Variants in MMP25 observed in about 807,000 individuals in gnomAD.
MMP25 encodes matrix metallopeptidase 25.
In MMP25, 68 loss-of-function variants were observed where a neutral mutation model predicts 62.1. The ratio of observed to expected loss-of-function variants is 1.10; its 90% CI spans 0.90 to 1.34. The LOEUF (loss-of-function observed/expected upper bound fraction) is 1.34. MMP25 is among the 40% of genes most tolerant of loss of function. The pLI is 0.00. For missense variants in MMP25, 942 were observed against 792.5 expected (o/e 1.19, Z -2.26); for synonymous variants, 407 against 345.6 (o/e 1.18, Z -1.97).
In MMP25 at chr16:3,046,774, TC is replaced by T. The variant is rs1955825815; in HGVS notation, c.-141del. 2 of 473,668 alleles carry T rather than the reference TC, an allele frequency of 4.2e-6. No individual in the cohort carries two copies. Among genetic ancestry groups the T allele is most frequent in the Admixed American group, 8.9e-5 (2 of 22,406 alleles). 29.3% of individuals were successfully genotyped at this position (473,668 alleles called of 1,614,324 possible). A position where few individuals can be genotyped will look rare whatever the true frequency, so the allele number is the denominator to read the frequency against. ...GCACTTCCCGGGACCCCCACACACATCCCAGCCCTCCGGCCGATCCCTCCCT... is the reference window on the plus strand; with the variant it reads ...GCACTTCCCGGGACCCCCACACACATCCAGCCCTCCGGCCGATCCCTCCCT... On this transcript the variant is annotated 5_prime_UTR_variant, in exon 1 of 10. Transcript: ENST00000336577.
At chr16:3,055,535 T>G (rs1450559544) in intron 4 of MMP25, among the ~76,000 whole-genome samples, 1 of 152,086 alleles carries the variant, frequency 6.6e-6, no homozygotes, top group Non-Finnish European at 1.5e-5. Context: ...TACCTTGAAG[T>G]CTCTGTGCCT....
chr16:3,058,445 T>G lies in MMP25; in HGVS notation c.1193T>G (p.Leu398Arg), dbSNP rs1416984374. 10 of 1,590,408 alleles carry G rather than the reference T, an allele frequency of 6.3e-6. No homozygotes were observed. The highest frequency in any genetic ancestry group is 8.6e-6 in the Non-Finnish European group (10 of 1,169,494). The change falls in exon 9 of 10, where the codon CTG (leucine) becomes CGG (arginine). Residue 398 changes from leucine (L) to arginine (R), a missense_variant. By Grantham distance (102) the Leu-to-Arg change is moderately radical (BLOSUM62 -2). Transcript: ENST00000336577. ...TTCTGGGTGTTCCAGGACCGGCAGC[T>G]GGAGGGCGGGGCGCGGCCGCTCACG... ...PQFWVFQDRQ[L>R]EGGARPLTEL...
rs538501940 is a variant in MMP25 at position 3,050,402 on chromosome 16, G to A, written c.517G>A (p.Asp173Asn). ...PQGQEPDILI[D>N]FARAFHQDSY... Reference sequence around the variant, plus strand: ...GGGCCAGGAGCCCGACATCCTCATCGACTTTGCCCGCGCCTTCCACCAGGA... The same window carrying A: ...GGGCCAGGAGCCCGACATCCTCATCAACTTTGCCCGCGCCTTCCACCAGGA... Residue 173 changes from aspartate (D) to asparagine (N), a missense_variant, in exon 4 of 10, where the codon GAC becomes AAC. Transcript: ENST00000336577. The A allele has an allele frequency of 1.9e-6, 3 of 1,614,002 alleles. No individual in the cohort carries two copies. The highest frequency in any genetic ancestry group is 2.2e-5 in the East Asian group (1 of 44,874).
At chr16:3,057,466 G>A in intron 6 of MMP25, 65 bp from the exon 7 acceptor site, 13 of 1,597,074 alleles carry the variant, frequency 8.1e-6, no homozygotes, top group Non-Finnish European at 1.1e-5. Context: ...AGATGGGGAT[G>A]GTGGGGGTCC....
chr16:3,056,939 G>A, intron 4 of MMP25, 94 bp from the exon 5 acceptor site: 1 of 1,382,486 alleles, frequency 7.2e-7, no homozygotes, highest in African/African-American at 1.4e-5. Context: ...GTGTCCTGCT[G>A]TTCCTGTTGG....
At chr16:3,058,738 A>T (rs1371738265) in intron 9 of MMP25, 69 bp downstream of exon 9, 2 of 1,449,334 alleles carry the variant, frequency 1.4e-6, no homozygotes, top group Non-Finnish European at 1.8e-6. Flanking sequence ...GAATGGGGAC[A>T]TGGAGGCCAC....
At chr16:3,047,099 A>G (rs767204297) in intron 1 of MMP25, 83 bp downstream of exon 1, 10 of 1,325,060 alleles carry the variant, frequency 7.5e-6, no homozygotes, top group Non-Finnish European at 8.8e-6. Context: ...GGTCCGGAGG[A>G]GGCAGGGGCC....
intron 4 of MMP25, 63 bp downstream of exon 4, chr16:3,050,609 G>C (rs1329938286): frequency 6.9e-7 from 1 of 1,453,044 alleles, no homozygotes; most frequent in African/African-American, 1.4e-5. Flanking sequence ...TAAGTTTTCT[G>C]TTGTGTGTTT....
chr16:3,049,967 C>T (rs1316199990), intron 2 of MMP25, 42 bp from the exon 3 acceptor site: 4 of 1,603,028 alleles, frequency 2.5e-6, no homozygotes, highest in Non-Finnish European at 3.4e-6. Context: ...GGCAGGCTCT[C>T]CTATTGTGGA....
chr16:3,050,379 G>A lies in MMP25; in HGVS notation c.494G>A (p.Gly165Asp), dbSNP rs746188090. ...TTTCATGAGGTGGATTCCCCCCAGGGCCAGGAGCCCGACATCCTCATCGAC... is the reference window on the plus strand; with the variant it reads ...TTTCATGAGGTGGATTCCCCCCAGGACCAGGAGCCCGACATCCTCATCGAC... ...LTFHEVDSPQ[G>D]QEPDILIDFA... Residue 165 changes from glycine to aspartate, a missense_variant, in exon 4 of 10, where the codon GGC (glycine) becomes GAC (aspartate). By Grantham distance (94) the Gly-to-Asp change is moderately conservative (BLOSUM62 -1). Transcript: ENST00000336577. 2 of 1,614,014 alleles carry A rather than the reference G, an allele frequency of 1.2e-6. No individual in the cohort carries two copies. Among genetic ancestry groups the A allele is most frequent in the Non-Finnish European group, 1.7e-6 (2 of 1,180,016 alleles).
chr16:3,050,358 A>T lies in MMP25; in HGVS notation c.473A>T (p.His158Leu). 2 of 1,613,976 alleles carry T rather than the reference A, an allele frequency of 1.2e-6. No homozygotes were observed. Among genetic ancestry groups the T allele is most frequent in the Non-Finnish European group, 1.7e-6 (2 of 1,179,994 alleles). The change falls in exon 4 of 10, where the codon CAT (histidine) becomes CTT (leucine). Residue 158 changes from histidine (H) to leucine (L), a missense_variant. His to Leu is a moderately conservative substitution (Grantham distance 99). Coordinates refer to ENST00000336577, the MANE Select transcript of MMP25 (RefSeq NM_022468.5). ...AWGMESGLTF[H>L]EVDSPQGQEP... ...GGCATGGAGTCAGGCCTCACATTTCATGAGGTGGATTCCCCCCAGGGCCAG... is the reference window on the plus strand; with the variant it reads ...GGCATGGAGTCAGGCCTCACATTTCTTGAGGTGGATTCCCCCCAGGGCCAG...
Position 3,059,093 on chromosome 16 carries a change from C to T in MMP25, c.1684C>T (p.Arg562Cys), listed in dbSNP as rs1189517297. The change falls in exon 10 of 10, where the codon CGC (arginine) becomes TGC (cysteine). Residue 562 changes from arginine (R) to cysteine (C), a missense_variant. Arg to Cys is a radical substitution (Grantham distance 180). Coordinates refer to ENST00000336577, the MANE Select transcript of MMP25 (RefSeq NM_022468.5). ...LPLLVGGVAS[R>C] ...CCTGCTGGTGGGGGGTGTAGCCTCCCGCTGATGGGGGGAGCCATCCAGACC... is the reference window on the plus strand; with the variant it reads ...CCTGCTGGTGGGGGGTGTAGCCTCCTGCTGATGGGGGGAGCCATCCAGACC... 2.6e-6 allele frequency: 4 copies of T among 1,541,134 alleles called. No individual in the cohort carries two copies. Among genetic ancestry groups the T allele is most frequent in the Non-Finnish European group, 3.5e-6 (4 of 1,140,898 alleles).
rs182726353 is a variant in MMP25, at chr16:3,047,505, G to A, written c.190G>A (p.Val64Ile). The change falls in exon 2 of 10, where the codon GTC (valine) becomes ATC (isoleucine). Residue 64 changes from valine (V) to isoleucine (I), a missense_variant. By Grantham distance (29) the Val-to-Ile change is conservative. Coordinates refer to ENST00000336577, the MANE Select transcript of MMP25 (RefSeq NM_022468.5). ...SPEKLRDAIK[V>I]MQRFAGLPET... ...TGAGAAGTTGCGCGATGCCATCAAA[G>A]TCATGCAGAGGTTCGCGGGGCTGCC... 18 of 1,613,886 alleles carry A rather than the reference G, an allele frequency of 1.1e-5. No individual in the cohort carries two copies. In the East Asian group the frequency reaches 3.1e-4, roughly 28 times the overall value.
Position 3,059,097 on chromosome 16 carries a change from G to A in MMP25, c.1688G>A (p.Ter563=), listed in dbSNP as rs1469887633. ...PLLVGGVASR[*] ...CTGGTGGGGGGTGTAGCCTCCCGCTGATGGGGGGAGCCATCCAGACCGAAC... is the reference window on the plus strand; with the variant it reads ...CTGGTGGGGGGTGTAGCCTCCCGCTAATGGGGGGAGCCATCCAGACCGAAC... Residue 563 remains the stop codon, a stop_retained_variant, in exon 10 of 10, where the codon TGA becomes TAA. Coordinates refer to ENST00000336577, the MANE Select transcript of MMP25 (RefSeq NM_022468.5). 3 of 1,539,280 alleles carry A rather than the reference G, an allele frequency of 1.9e-6. No homozygotes were observed. Among genetic ancestry groups the A allele is most frequent in the African/African-American group, 1.4e-5 (1 of 72,878 alleles).
At position 3,059,122 on chromosome 16, in the gene MMP25, C is replaced by T. The variant is rs193188076; in HGVS notation, c.*24C>T. On this transcript the variant is annotated 3_prime_UTR_variant, in exon 10 of 10. Coordinates refer to ENST00000336577, the MANE Select transcript of MMP25 (RefSeq NM_022468.5). ...GATGGGGGGAGCCATCCAGACCGAA[C>T]AGCGCCCTCCACGGCCGAGTCCCCC... 2 of 1,506,864 alleles carry T rather than the reference C, an allele frequency of 1.3e-6. No homozygotes were observed. Among genetic ancestry groups the T allele is most frequent in the East Asian group, 5.0e-5 (2 of 40,362 alleles). The allele number at this position is 1,506,864 out of a possible 1,614,324, so 93.3% of individuals were successfully genotyped here.
At position 3,057,073 on chromosome 16, in the gene MMP25, G is replaced by C; in HGVS notation, c.702G>C (p.Glu234Asp). ...ACCTGTTTGCCGTGGCTGTCCATGA[G>C]TTTGGCCACGCCCTGGGCCTGGGCC... Reference protein sequence around the residue: ...GTDLFAVAVHEFGHALGLGHS... With the variant: ...GTDLFAVAVHDFGHALGLGHS... Residue 234 changes from glutamate (E) to aspartate (D), a missense_variant, in exon 5 of 10, where the codon GAG (glutamate) becomes GAC (aspartate). Physicochemically the swap from Glu to Asp is conservative, Grantham distance 45. Coordinates refer to ENST00000336577, the MANE Select transcript of MMP25 (RefSeq NM_022468.5). The C allele has an allele frequency of 6.2e-7, 1 of 1,605,614 alleles. No individual in the cohort carries two copies. Among genetic ancestry groups the C allele is most frequent in the Non-Finnish European group, 8.5e-7 (1 of 1,175,706 alleles).
Position 3,050,000 on chromosome 16 carries a change from C to T in MMP25, c.233-9C>T. On this transcript the variant is annotated splice_polypyrimidine_tract_variant and intron_variant, in intron 2 of 9. Coordinates refer to ENST00000336577, the MANE Select transcript of MMP25 (RefSeq NM_022468.5). ...GGACACACCCCCCACCGCCAAATGT[C>T]TCCCGCAGACCCAGGGACAGTGGCC... 1 of 1,608,298 alleles carries T rather than the reference C, an allele frequency of 6.2e-7. No homozygotes were observed. The highest frequency in any genetic ancestry group is 8.5e-7 in the Non-Finnish European group (1 of 1,179,926).
At chr16:3,058,761 G>A (rs953364502) in intron 9 of MMP25, 66 bp from the exon 10 acceptor site, 1 of 1,510,884 alleles carries the variant, frequency 6.6e-7, no homozygotes, top group Middle Eastern at 1.8e-4. Flanking sequence ...TGCGGGGATG[G>A]GGGTCCTTGG....
At chr16:3,056,117 G>A (rs1273048155) in intron 4 of MMP25, 5 of 319,642 alleles carry the variant, frequency 1.6e-5, no homozygotes, top group African/African-American at 1.1e-4. Flanking sequence ...ACAGGGAGAT[G>A]GGGGAGGGGG....
Sources: allele counts gnomAD v4.1 joint callset (sites outside exome capture counted in the v4.1 genomes callset), GRCh38; gene constraint gnomAD v4.1.1; transcripts MANE v1.5; gene names NCBI Gene and HGNC (gene_info 2026-07-23, HGNC 2026-07-21).